DIP2C: variants seen among roughly 807,000 people sequenced by gnomAD.
DIP2C encodes the protein DIP2 acetate--CoA ligase C (putative).
In DIP2C, 33 loss-of-function variants were observed where a neutral mutation model predicts 192.4. That is an observed-to-expected ratio of 0.17 (90% CI 0.13 to 0.23). The LOEUF (loss-of-function observed/expected upper bound fraction) is 0.23, where lower values mean the gene tolerates loss of function less well. DIP2C is among the 10% of genes least tolerant of loss of function. The probability of loss-of-function intolerance (pLI) is 1.00; values close to 1 mark genes in which losing one functional copy is unlikely to be tolerated. For synonymous variants in DIP2C, 979 were observed against 864.1 expected, an observed-to-expected ratio of 1.13 and a Z score of -2.33; for missense variants, 1,537 against 2,110.1, an observed-to-expected ratio of 0.73 and a Z score of 5.32.
chr10:518,987 G>A (rs1468980962), intron 1 of DIP2C, among the ~76,000 whole-genome samples: 1 of 152,182 alleles, frequency 6.6e-6, no homozygotes, highest in Non-Finnish European at 1.5e-5. Flanking sequence ...TCTGCACTGG[G>A]TCCCAGGCTC....
intron 1 of DIP2C, among the ~76,000 whole-genome samples, chr10:532,429 A>G (rs1028802072): frequency 5.3e-5 from 8 of 152,224 alleles, no homozygotes; most frequent in African/African-American, 1.9e-4. Context: ...TTGCTGGCAA[A>G]TGAGTCAACA....
At position 415,873 on chromosome 10, in the gene DIP2C, C is replaced by T; in HGVS notation, c.755G>A (p.Ser252Asn). The T allele has an allele frequency of 2.5e-6, 4 of 1,613,772 alleles. No individual in the cohort carries two copies. The highest frequency in any genetic ancestry group is 3.4e-6 in the Non-Finnish European group (4 of 1,179,974). The change falls in exon 7 of 37, where the codon AGC (serine) becomes AAC (asparagine). Residue 252 changes from serine (S) to asparagine (N), a missense_variant. Ser to Asn is a conservative substitution (Grantham distance 46). Transcript: ENST00000280886. The part of the protein sequence containing the change: ...METGDGVPVS[S>N]RVSAKIQQLV... The stretch of plus-strand genomic sequence containing the variant: ...CTGCTGGATTTTTGCTGACACCCGG[C>T]TACTTACTGGTACTCCTGAAAAACA...
Position 384,014 on chromosome 10 carries a change from G to A in DIP2C, c.1876+13C>T, listed in dbSNP as rs1443911246. On this transcript the variant is annotated intron_variant, in intron 16 of 36. Coordinates refer to ENST00000280886, the MANE Select transcript of DIP2C (RefSeq NM_014974.3). ...GCCCGCCTGCCTCACGAGATCACAC[G>A]CTCCTCACTTACAGGGGTTCGCGCC... is the stretch of plus-strand genomic sequence containing the variant. 2.2e-5 allele frequency: 33 copies of A among 1,524,298 alleles called. No homozygotes were observed. Among genetic ancestry groups the A allele is most frequent in the East Asian group, 5.1e-5 (2 of 39,390 alleles). The allele number at this position is 1,524,298 out of a possible 1,614,324, so 94.4% of individuals were successfully genotyped here. A position where few individuals can be genotyped will look rare whatever the true frequency, so the allele number is the denominator to read the frequency against.
chr10:413,858 G>C (rs926787373), intron 8 of DIP2C, 55 bp downstream of exon 8: 2 of 1,581,618 alleles, frequency 1.3e-6, no homozygotes, highest in Non-Finnish European at 1.7e-6. Flanking sequence ...TCCTGCGTTC[G>C]GGAGTGGCTG....
At chr10:340,968 G>C in intron 29 of DIP2C, 1 of 651,054 alleles carries the variant, frequency 1.5e-6, no homozygotes, top group East Asian at 3.1e-5. Context: ...CGCAACAGAC[G>C]GCTCTCCAAA....
At chr10:670,939 T>A (rs1261904855) in intron 1 of DIP2C, among the ~76,000 whole-genome samples, 1 of 152,218 alleles carries the variant, frequency 6.6e-6, no homozygotes, top group Non-Finnish European at 1.5e-5. Context: ...CACACACACC[T>A]GAAACCAGGT....
intron 32 of DIP2C, among the ~76,000 whole-genome samples, chr10:297,459 G>C (rs895080999): frequency 6.6e-6 from 1 of 152,168 alleles, no homozygotes; most frequent in African/African-American, 2.4e-5. Context: ...GATATGGAAG[G>C]TGTGGTATAT....
intron 1 of DIP2C, among the ~76,000 whole-genome samples, chr10:534,376 T>C (rs929005355): frequency 3.3e-5 from 5 of 152,228 alleles, no homozygotes; most frequent in African/African-American, 1.2e-4. Context: ...GGAAGCAGCC[T>C]GGGTCCCTGC....
intron 1 of DIP2C, among the ~76,000 whole-genome samples, chr10:506,949 A>G (rs1369642227): frequency 6.6e-6 from 1 of 151,542 alleles, no homozygotes; most frequent in African/African-American, 2.4e-5. Flanking sequence ...GAGGGCATGG[A>G]CCCGGTCAAC....
chr10:626,379 T>C (rs1009638486), intron 1 of DIP2C, among the ~76,000 whole-genome samples: 1 of 151,724 alleles, frequency 6.6e-6, no homozygotes, highest in African/African-American at 2.4e-5. Flanking sequence ...GGCGGCAGCA[T>C]CCCCCAAAGG....
At chr10:284,805 A>G (rs1289725779) in intron 34 of DIP2C, among the ~76,000 whole-genome samples, 1 of 152,248 alleles carries the variant, frequency 6.6e-6, no homozygotes, top group Non-Finnish European at 1.5e-5. Flanking sequence ...TAACTGTTTC[A>G]TAATATGTAT....
In DIP2C at chr10:349,530, A is replaced by T. The variant is rs1316604418; in HGVS notation, c.2986-76T>A. On this transcript the variant is annotated intron_variant, in intron 24 of 36. Coordinates refer to ENST00000280886, the MANE Select transcript of DIP2C (RefSeq NM_014974.3). ...CTTGCAGAGAGCGCGCACGCGTCATACAACTCACTGGCGCAAAGCATACAT... is the reference window on the plus strand; with the variant it reads ...CTTGCAGAGAGCGCGCACGCGTCATTCAACTCACTGGCGCAAAGCATACAT... 5 of 1,528,242 alleles carry T rather than the reference A, an allele frequency of 3.3e-6. No homozygotes were observed. In the Admixed American group the frequency reaches 7.1e-5, roughly 22 times the overall value. 94.7% of individuals were successfully genotyped at this position (1,528,242 alleles called of 1,614,324 possible).
intron 1 of DIP2C, among the ~76,000 whole-genome samples, chr10:524,371 C>T (rs1333330875): frequency 6.6e-6 from 1 of 152,228 alleles, no homozygotes; most frequent in African/African-American, 2.4e-5. Flanking sequence ...ATTTAATTAC[C>T]TTCATGGTCA....
At chr10:623,867 A>G (rs970054595) in intron 1 of DIP2C, among the ~76,000 whole-genome samples, 5 of 152,200 alleles carry the variant, frequency 3.3e-5, no homozygotes, top group African/African-American at 1.2e-4. Context: ...ATCAGCCCCA[A>G]CAGTGAGAAG....
At chr10:515,326 ATAGT>A (rs1323238002) in intron 1 of DIP2C, among the ~76,000 whole-genome samples, 1 of 152,234 alleles carries the variant, frequency 6.6e-6, no homozygotes, top group East Asian at 1.9e-4. Flanking sequence ...TAACATATGC[ATAGT>A]TATTTACCTA....
At chr10:529,100 A>G (rs1481886493) in intron 1 of DIP2C, among the ~76,000 whole-genome samples, 1 of 152,122 alleles carries the variant, frequency 6.6e-6, no homozygotes, top group Admixed American at 6.5e-5. Context: ...GGCTCCCAGG[A>G]GTGGGGCAGA....
chr10:381,360 G>A (rs1962357238), intron 17 of DIP2C, among the ~76,000 whole-genome samples: 1 of 152,206 alleles, frequency 6.6e-6, no homozygotes, highest in East Asian at 1.9e-4. Flanking sequence ...CTAGTTTTCA[G>A]GACACTGTCA....
chr10:386,135 G>A (rs1202524716), intron 14 of DIP2C, among the ~76,000 whole-genome samples: 1 of 152,222 alleles, frequency 6.6e-6, no homozygotes, highest in Non-Finnish European at 1.5e-5. Context: ...CCGGAAAGTT[G>A]GGTGTTCTAA....
rs1430040162 is a variant in DIP2C, at chr10:346,564, C to T, written c.3232-1454G>A. 2.2e-5 allele frequency among the ~76,000 whole-genome samples: 3 copies of T among 138,966 alleles called. No homozygotes were observed. The Admixed American group carries it at 2.2e-4, about 10-fold the overall frequency. 91.2% of individuals were successfully genotyped at this position (138,966 alleles called of 152,430 possible). A position where few individuals can be genotyped will look rare whatever the true frequency, so the allele number is the denominator to read the frequency against. On this transcript the variant is annotated intron_variant, in intron 26 of 36. Coordinates refer to ENST00000280886, the MANE Select transcript of DIP2C (RefSeq NM_014974.3). The stretch of plus-strand genomic sequence containing the variant: ...ACTCACCCAACCCAGACACATCGCG[C>T]ATAGTTCTCCTGGAAACCCCACACT...
Sources: allele counts gnomAD v4.1 joint callset (sites outside exome capture counted in the v4.1 genomes callset), GRCh38; gene constraint gnomAD v4.1.1; transcripts MANE v1.5; gene names NCBI Gene and HGNC (gene_info 2026-07-23, HGNC 2026-07-21).